The following SRRM4 variants were observed in gnomAD, a reference collection of about 807,000 sequenced individuals.
SRRM4 encodes the protein serine/arginine repetitive matrix protein 4.
In SRRM4, 33 loss-of-function variants were observed where a neutral mutation model predicts 68.9. That is an observed-to-expected ratio of 0.48 (90% CI 0.36 to 0.64). SRRM4 has a LOEUF of 0.64. Ranked by LOEUF, SRRM4 falls within the 30% of genes least tolerant of loss-of-function variation. The pLI is 0.00. For synonymous variants in SRRM4, 318 were observed against 318.8 expected, an observed-to-expected ratio of 1.00 and a Z score of 0.03; for missense variants, 817 against 827.1, an observed-to-expected ratio of 0.99 and a Z score of 0.15.
chr12:119,016,579 G>A (rs1953483145), intron 1 of SRRM4, among the ~76,000 whole-genome samples: 2 of 152,164 alleles, frequency 1.3e-5, no homozygotes, highest in Middle Eastern at 3.4e-3. Context: ...TCTACCAGGA[G>A]ACTCAAATAC....
chr12:119,090,003 G>A (rs919715003), intron 1 of SRRM4, among the ~76,000 whole-genome samples: 2 of 152,120 alleles, frequency 1.3e-5, no homozygotes, highest in Non-Finnish European at 2.9e-5. Context: ...CAGCCAGGAA[G>A]CAGCAAAGCA....
At chr12:119,153,397 T>C in intron 10 of SRRM4, 142 bp from the exon 11 acceptor site, 1 of 606,140 alleles carries the variant, frequency 1.6e-6, no homozygotes, top group South Asian at 2.0e-5. Flanking sequence ...TTTCATTCTT[T>C]GATCGGGGCC....
chr12:119,002,642 A>G (rs1953392046), intron 1 of SRRM4, among the ~76,000 whole-genome samples: 1 of 152,204 alleles, frequency 6.6e-6, no homozygotes, highest in African/African-American at 2.4e-5. Flanking sequence ...TTATCTCCAG[A>G]AAGTTTTTCC....
intron 6 of SRRM4, 85 bp downstream of exon 6, chr12:119,122,205 C>A: frequency 3.4e-6 from 3 of 875,714 alleles, no homozygotes; most frequent in Non-Finnish European, 3.7e-6. Flanking sequence ...TTAGAGTTGC[C>A]AAATAAACAG....
In SRRM4 at chr12:119,153,655, G is replaced by A. The variant is rs1429051573; in HGVS notation, c.1391+6G>A. 1 of 1,545,212 alleles carries A rather than the reference G, an allele frequency of 6.5e-7. No individual in the cohort carries two copies. The highest frequency in any genetic ancestry group is 8.7e-7 in the Non-Finnish European group (1 of 1,146,414). On this transcript the variant is annotated splice_donor_region_variant and intron_variant, in intron 11 of 12. Transcript: ENST00000267260. ...TCCCGCTACAGCCCCAGCAGGTACC[G>A]GCCCCGCCCCTCAAACTAGGCCCGT...
At chr12:119,127,355 G>A (rs6490237) in intron 7 of SRRM4, among the ~76,000 whole-genome samples, 82,559 of 151,812 alleles carry the variant, frequency 0.54, 22,754 homozygotes, top group South Asian at 0.61. Flanking sequence ...TTGACTCTCC[G>A]TTCACATCAC....
chr12:119,142,884 A>G (rs73412021), intron 8 of SRRM4, among the ~76,000 whole-genome samples: 3,285 of 152,326 alleles, frequency 0.022, 121 homozygotes, highest in African/African-American at 0.074. Context: ...GAGTTGAGAA[A>G]GATGTGGCAT....
At chr12:119,071,047 A>T (rs960520266) in intron 1 of SRRM4, among the ~76,000 whole-genome samples, 4 of 152,196 alleles carry the variant, frequency 2.6e-5, no homozygotes, top group Non-Finnish European at 5.9e-5. Flanking sequence ...CCTAGGACTC[A>T]GGTTTTCCGT....
intron 5 of SRRM4, among the ~76,000 whole-genome samples, 182 bp from the exon 6 acceptor site, chr12:119,121,888 C>T (rs564928247): frequency 3.9e-4 from 59 of 152,282 alleles, no homozygotes; most frequent in Non-Finnish European, 6.6e-4. Flanking sequence ...GTGTGTGCGT[C>T]GGTATCCCTA....
intron 1 of SRRM4, among the ~76,000 whole-genome samples, chr12:119,013,804 G>T (rs1953464459): frequency 6.6e-6 from 1 of 151,884 alleles, no homozygotes; most frequent in South Asian, 2.1e-4. Flanking sequence ...AAACATTTTG[G>T]TACATTTATT....
Position 119,162,533 on chromosome 12 carries a change from G to A in SRRM4, c.*5735G>A, listed in dbSNP as rs1208570061. 1 of 152,220 alleles carries A rather than the reference G, an allele frequency of 6.6e-6. No individual in the cohort carries two copies. The highest frequency in any genetic ancestry group is 1.5e-5 in the Non-Finnish European group (1 of 68,044). The allele number at this position is 152,220 out of a possible 1,614,324, so 9.4% of individuals were successfully genotyped here. ...GGAGAAAACTGAGGCTCAGGAGGGG[G>A]AGTTGACATGCCCAAGCTCCCTTGA... On this transcript the variant is annotated 3_prime_UTR_variant, in exon 13 of 13. Transcript: ENST00000267260.
At chr12:119,071,264 C>T (rs1269487650) in intron 1 of SRRM4, among the ~76,000 whole-genome samples, 2 of 152,026 alleles carry the variant, frequency 1.3e-5, no homozygotes, top group African/African-American at 4.8e-5. Flanking sequence ...CAATAAAAAA[C>T]GGGAGGCAGG....
At chr12:119,052,249 A>G (rs921219665) in intron 1 of SRRM4, among the ~76,000 whole-genome samples, 2 of 152,144 alleles carry the variant, frequency 1.3e-5, no homozygotes, top group Admixed American at 6.5e-5. Flanking sequence ...GACTGTTCCC[A>G]TGTAGCAGTG....
At chr12:119,153,500 A>C in intron 10 of SRRM4, 39 bp from the exon 11 acceptor site, 1 of 1,387,792 alleles carries the variant, frequency 7.2e-7, no homozygotes, top group Non-Finnish European at 1.0e-6. Flanking sequence ...CCAGGCGGAC[A>C]CTCAGCAGGC....
chr12:118,998,223 G>A (rs1266178575), intron 1 of SRRM4, among the ~76,000 whole-genome samples: 1 of 125,494 alleles, frequency 8.0e-6, no homozygotes. Context: ...TAGAGTGCCA[G>A]CCAAGCTTCA....
chr12:119,011,145 A>G (rs1953446363), intron 1 of SRRM4, among the ~76,000 whole-genome samples: 1 of 152,220 alleles, frequency 6.6e-6, no homozygotes, highest in Non-Finnish European at 1.5e-5. Flanking sequence ...AAATGTTTTC[A>G]TCATTCACAA....
intron 4 of SRRM4, among the ~76,000 whole-genome samples, chr12:119,117,725 A>C (rs947717813): frequency 6.6e-6 from 1 of 152,194 alleles, no homozygotes; most frequent in African/African-American, 2.4e-5. Context: ...CATCCTGGCC[A>C]ACATGGTGAA....
At chr12:119,004,272 T>G (rs1953402666) in intron 1 of SRRM4, among the ~76,000 whole-genome samples, 1 of 152,030 alleles carries the variant, frequency 6.6e-6, no homozygotes, top group African/African-American at 2.4e-5. Context: ...GTTTGTCATC[T>G]CCTGATCCCT....
chr12:119,027,934 C>G (rs1953559576), intron 1 of SRRM4, among the ~76,000 whole-genome samples: 1 of 152,190 alleles, frequency 6.6e-6, no homozygotes, highest in South Asian at 2.1e-4. Flanking sequence ...ACAGCATCAA[C>G]CCGAGTGGAG....
Sources: gnomAD v4.1 joint callset for allele counts (sites outside exome capture counted in the v4.1 genomes callset) on GRCh38, gnomAD v4.1.1 for gene constraint, MANE v1.5 for transcripts, NCBI Gene and HGNC (gene_info 2026-07-23, HGNC 2026-07-21) for gene names.